The following SLC27A2 variants were observed in gnomAD, a reference collection of about 807,000 sequenced individuals.
The protein encoded by SLC27A2 is solute carrier family 27 member 2, also known as long-chain fatty acid transport protein 2.
Under a neutral mutation model 60.0 loss-of-function variants are expected in SLC27A2, and 54 were observed. The observed-to-expected ratio is 0.90, with a 90% CI of 0.72 to 1.13. The LOEUF is 1.13. Among genes scored for constraint, SLC27A2 ranks in the 50% most tolerant of loss-of-function variants. The pLI is 0.00. For missense variants in SLC27A2, 739 were observed against 777.6 expected (o/e 0.95, Z 0.59); for synonymous variants, 297 against 297.6 (o/e 1.00, Z 0.02).
At chr15:50,214,812 C>T (rs1449607433) in intron 4 of SLC27A2, among the ~76,000 whole-genome samples, 1 of 152,054 alleles carries the variant, frequency 6.6e-6, no homozygotes, top group Non-Finnish European at 1.5e-5. Context: ...AAGGGACATA[C>T]CTTAAAGTAA....
In SLC27A2 at chr15:50,182,726, G is replaced by T. The variant is rs1263657519; in HGVS notation, c.299G>T (p.Gly100Val). The change falls in exon 1 of 10, where the codon GGC becomes GTC. Residue 100 changes from glycine to valine, a missense_variant. By Grantham distance (109) the Gly-to-Val change is moderately radical. Coordinates refer to ENST00000267842, the MANE Select transcript of SLC27A2 (RefSeq NM_003645.4). ...GCCCGGGCGCTGCACGACCACCTCG[G>T]CCTGCGCCAGGGAGACTGCGTGGCG... ...QVARALHDHLGLRQGDCVALL... is the reference protein window; with the variant it reads ...QVARALHDHLVLRQGDCVALL... 1 of 1,613,882 alleles carries T rather than the reference G, an allele frequency of 6.2e-7. No individual in the cohort carries two copies. Among genetic ancestry groups the T allele is most frequent in the South Asian group, 1.1e-5 (1 of 91,076 alleles).
At chr15:50,199,477 TAAA>T (rs60025067) in intron 2 of SLC27A2, among the ~76,000 whole-genome samples, 5 of 128,270 alleles carry the variant, frequency 3.9e-5, no homozygotes, top group Non-Finnish European at 4.9e-5. Flanking sequence ...GACTCTGTCT[TAAA>T]AAAAAAAAAA....
chr15:50,216,610 G>GTGTGTGTGTGTGTGTGTGTATATATA (rs1323910367), intron 4 of SLC27A2, among the ~76,000 whole-genome samples: 2 of 66,488 alleles, frequency 3.0e-5, no homozygotes, highest in Non-Finnish European at 3.0e-5. Flanking sequence ...GTGTGTGTGT[G>GTGTGTGTGTGTGTGTGTGTATATATA]TATATATATA....
intron 4 of SLC27A2, among the ~76,000 whole-genome samples, chr15:50,219,483 G>A (rs2045228263): frequency 6.6e-6 from 1 of 151,516 alleles, no homozygotes; most frequent in East Asian, 1.9e-4. Flanking sequence ...CATGAGTAAG[G>A]AGGGGCAGCA....
chr15:50,185,920 C>T (rs558718375), intron 1 of SLC27A2, among the ~76,000 whole-genome samples: 2 of 151,946 alleles, frequency 1.3e-5, no homozygotes, highest in South Asian at 2.1e-4. Context: ...TGAGCCACCA[C>T]GCCTGGCCGG....
chr15:50,228,811 G>T, intron 7 of SLC27A2, 134 bp from the exon 8 acceptor site: 1 of 656,510 alleles, frequency 1.5e-6, no homozygotes, highest in South Asian at 1.9e-5. Context: ...ACTAAGTTGG[G>T]GAGTTTGAGG....
intron 4 of SLC27A2, among the ~76,000 whole-genome samples, chr15:50,220,684 T>G (rs1395388163): frequency 6.6e-6 from 1 of 152,178 alleles, no homozygotes; most frequent in Non-Finnish European, 1.5e-5. Flanking sequence ...GGTCTCTGAA[T>G]ACTGACAGTC....
At position 50,202,637 on chromosome 15, in the gene SLC27A2, T is replaced by C. The variant is rs758682370; in HGVS notation, c.839T>C (p.Ile280Thr). 92 of 1,612,108 alleles carry C rather than the reference T, an allele frequency of 5.7e-5. No individual in the cohort carries two copies. The highest frequency in any genetic ancestry group is 7.6e-5 in the Non-Finnish European group (90 of 1,178,398). Residue 280 changes from isoleucine to threonine, a missense_variant, in exon 3 of 10, where the codon ATT becomes ACT. By Grantham distance (89) the Ile-to-Thr change is moderately conservative (BLOSUM62 -1). Coordinates refer to ENST00000267842, the MANE Select transcript of SLC27A2 (RefSeq NM_003645.4). The part of the protein sequence containing the change: ...AALLIGIHGC[I>T]VAGATLALRT... The stretch of plus-strand genomic sequence containing the variant: ...CTACTGATTGGCATTCACGGATGTA[T>C]TGTGGCTGGTAAGCTTTTTCTACAA...
chr15:50,222,623 T>C (rs1323640141), intron 4 of SLC27A2, among the ~76,000 whole-genome samples: 1 of 152,224 alleles, frequency 6.6e-6, no homozygotes, highest in East Asian at 1.9e-4. Context: ...CACATTATTC[T>C]AACTTTAGAT....
At chr15:50,193,726 C>G (rs2044992750) in intron 1 of SLC27A2, among the ~76,000 whole-genome samples, 1 of 152,238 alleles carries the variant, frequency 6.6e-6, no homozygotes, top group South Asian at 2.1e-4. Flanking sequence ...GTCTTCCACA[C>G]TAATATCATA....
intron 9 of SLC27A2, among the ~76,000 whole-genome samples, chr15:50,235,197 A>C (rs2045343370): frequency 6.6e-6 from 1 of 152,216 alleles, no homozygotes; most frequent in East Asian, 1.9e-4. Flanking sequence ...TGATGTTCAT[A>C]GGGCACCAAC....
intron 4 of SLC27A2, among the ~76,000 whole-genome samples, chr15:50,220,810 CCAGGG>C (rs148349987): frequency 0.12 from 17,589 of 152,132 alleles, 1,042 homozygotes; most frequent in Middle Eastern, 0.16. Flanking sequence ...ACACGTATAG[CCAGGG>C]CTTGCCCTGG....
At chr15:50,195,942 C>G (rs778554391) in intron 1 of SLC27A2, among the ~76,000 whole-genome samples, 5 of 147,672 alleles carry the variant, frequency 3.4e-5, no homozygotes, top group African/African-American at 5.0e-5. Context: ...GTGGTCCCAG[C>G]TACCGGGAGG....
chr15:50,186,778 A>G (rs2044927939), intron 1 of SLC27A2, among the ~76,000 whole-genome samples: 1 of 152,368 alleles, frequency 6.6e-6, no homozygotes, highest in African/African-American at 2.4e-5. Context: ...GCCTAGAGGG[A>G]TGATATGAAT....
At chr15:50,197,761 G>A (rs774500301) in intron 2 of SLC27A2, 52 bp downstream of exon 2, 25 of 1,304,768 alleles carry the variant, frequency 1.9e-5, no homozygotes, top group Non-Finnish European at 2.8e-5. Context: ...GGAGTTAAAT[G>A]TTGACACAGG....
intron 9 of SLC27A2, among the ~76,000 whole-genome samples, chr15:50,234,930 C>G (rs1434064534): frequency 6.6e-6 from 1 of 152,146 alleles, no homozygotes; most frequent in Non-Finnish European, 1.5e-5. Flanking sequence ...TTGTTGTTTC[C>G]AGTTTTAAAG....
chr15:50,228,968 C>T lies in SLC27A2; in HGVS notation c.1481C>T (p.Thr494Ile), dbSNP rs1266920881. Reference protein sequence around the residue: ...TFRWKGENVATTEVADTVGLV... With the variant: ...TFRWKGENVAITEVADTVGLV... ...AGGTGGAAAGGGGAAAATGTGGCCA[C>T]CACTGAAGTTGCTGATACAGTTGGA... The change falls in exon 8 of 10, where the codon ACC (threonine) becomes ATC (isoleucine). Residue 494 changes from threonine (T) to isoleucine (I), a missense_variant. By Grantham distance (89) the Thr-to-Ile change is moderately conservative (BLOSUM62 -1). Coordinates refer to ENST00000267842, the MANE Select transcript of SLC27A2 (RefSeq NM_003645.4). 1 of 1,613,956 alleles carries T rather than the reference C, an allele frequency of 6.2e-7. No homozygotes were observed. The highest frequency in any genetic ancestry group is 2.2e-5 in the East Asian group (1 of 44,876).
At chr15:50,234,297 T>G (rs75868052) in intron 9 of SLC27A2, among the ~76,000 whole-genome samples, 13,336 of 151,980 alleles carry the variant, frequency 0.088, 747 homozygotes, top group South Asian at 0.15. Flanking sequence ...AATGAAAATT[T>G]TTAAAAAAGG....
intron 8 of SLC27A2, among the ~76,000 whole-genome samples, chr15:50,233,605 G>T (rs1432132017): frequency 6.6e-6 from 1 of 152,170 alleles, no homozygotes; most frequent in Non-Finnish European, 1.5e-5. Flanking sequence ...CTCTTCAGAA[G>T]GTTGTTGTGA....
Sources: allele counts gnomAD v4.1 joint callset (sites outside exome capture counted in the v4.1 genomes callset), GRCh38; gene constraint gnomAD v4.1.1; transcripts MANE v1.5; gene names NCBI Gene and HGNC (gene_info 2026-07-23, HGNC 2026-07-21).